SMYD3: variants seen among roughly 807,000 people sequenced by gnomAD.
SMYD3 encodes the protein SET and MYND domain containing 3, also known as histone-lysine N-methyltransferase SMYD3.
Under a neutral mutation model 57.7 loss-of-function variants are expected in SMYD3, and 36 were observed. The ratio of observed to expected loss-of-function variants is 0.62; its 90% CI spans 0.48 to 0.82. The LOEUF is 0.82. SMYD3 is among the 40% of genes least tolerant of loss of function. The pLI is 0.00. For synonymous variants in SMYD3, 211 were observed against 195.0 expected (o/e 1.08, Z -0.68); for missense variants, 515 against 538.8 (o/e 0.96, Z 0.44).
At chr1:245,976,017 A>G (rs1160046301) in intron 5 of SMYD3, among the ~76,000 whole-genome samples, 3 of 12,656 alleles carry the variant, frequency 2.4e-4, no homozygotes, top group Non-Finnish European at 4.4e-4. Flanking sequence ...CATCGTCTCT[A>G]GCCTAGGGAA....
chr1:246,492,866 G>A (rs1234215160), intron 1 of SMYD3, among the ~76,000 whole-genome samples: 1 of 152,194 alleles, frequency 6.6e-6, no homozygotes, highest in East Asian at 1.9e-4. Context: ...AACTGGAAGG[G>A]ATTTCTAACT....
chr1:246,037,089 A>G (rs1392209267), intron 5 of SMYD3, among the ~76,000 whole-genome samples: 1 of 152,192 alleles, frequency 6.6e-6, no homozygotes, highest in East Asian at 1.9e-4. Flanking sequence ...TATTACAAAC[A>G]AGGTTGCAAT....
chr1:246,093,411 A>T (rs1219308555), intron 5 of SMYD3, among the ~76,000 whole-genome samples: 1 of 152,234 alleles, frequency 6.6e-6, no homozygotes, highest in East Asian at 1.9e-4. Flanking sequence ...TAATGCATAT[A>T]TGTGTGGTGG....
intron 5 of SMYD3, among the ~76,000 whole-genome samples, chr1:246,093,615 T>C (rs2060859521): frequency 6.6e-6 from 1 of 152,082 alleles, no homozygotes; most frequent in African/African-American, 2.4e-5. Context: ...CGAACAGTAG[T>C]GGGGGATGAA....
chr1:246,016,365 C>T (rs1387939458), intron 5 of SMYD3, among the ~76,000 whole-genome samples: 1 of 151,978 alleles, frequency 6.6e-6, no homozygotes, highest in Non-Finnish European at 1.5e-5. Context: ...GGTGGATCAC[C>T]TGAGGTCAGG....
At chr1:246,110,244 T>C (rs2061210140) in intron 5 of SMYD3, among the ~76,000 whole-genome samples, 1 of 152,166 alleles carries the variant, frequency 6.6e-6, no homozygotes, top group South Asian at 2.1e-4. Flanking sequence ...TGTGTGGACT[T>C]AGACAAGTCA....
At chr1:245,958,365 C>A (rs1265248068) in intron 5 of SMYD3, among the ~76,000 whole-genome samples, 1 of 152,200 alleles carries the variant, frequency 6.6e-6, no homozygotes, top group East Asian at 1.9e-4. Flanking sequence ...TTTCCTCACC[C>A]TTCCTCTCAT....
chr1:245,766,081 C>T (rs888659391), intron 10 of SMYD3, among the ~76,000 whole-genome samples: 2 of 151,910 alleles, frequency 1.3e-5, no homozygotes, highest in Non-Finnish European at 2.9e-5. Flanking sequence ...GTATTTAAAC[C>T]GACAGAAAGT....
chr1:246,255,050 G>A (rs1359950531), intron 5 of SMYD3, among the ~76,000 whole-genome samples: 1 of 152,098 alleles, frequency 6.6e-6, no homozygotes, highest in Non-Finnish European at 1.5e-5. Flanking sequence ...GACTTTACAG[G>A]TATATAATCA....
intron 1 of SMYD3, among the ~76,000 whole-genome samples, chr1:246,376,874 C>A (rs984110508): frequency 6.6e-6 from 1 of 151,818 alleles, no homozygotes; most frequent in South Asian, 2.1e-4. Context: ...CTGAGGTGGG[C>A]GGATCACCTG....
Position 246,288,851 on chromosome 1 carries a change from G to A in SMYD3, c.531+38350C>T, listed in dbSNP as rs1032173314. Among the ~76,000 whole-genome samples, 11 of 152,242 alleles carry A rather than the reference G, an allele frequency of 7.2e-5. No homozygotes were observed. In the East Asian group the frequency reaches 1.9e-3, roughly 27 times the overall value. On this transcript the variant is annotated intron_variant, in intron 5 of 11. Coordinates refer to ENST00000490107, the MANE Select transcript of SMYD3 (RefSeq NM_001167740.2). Reference sequence around the variant, plus strand: ...AGCCTGGCCAGGCACGGTGACTCACGCCTGTAATCCCAGCACTTTGGGAGA... The same window carrying A: ...AGCCTGGCCAGGCACGGTGACTCACACCTGTAATCCCAGCACTTTGGGAGA...
At chr1:246,089,232 G>C (rs527521316) in intron 5 of SMYD3, among the ~76,000 whole-genome samples, 1 of 152,172 alleles carries the variant, frequency 6.6e-6, no homozygotes, top group African/African-American at 2.4e-5. Flanking sequence ...TCCCGCCTCA[G>C]CCTCCCAAAG....
intron 5 of SMYD3, among the ~76,000 whole-genome samples, chr1:246,195,505 T>C (rs778797577): frequency 6.6e-6 from 1 of 152,122 alleles, no homozygotes; most frequent in Non-Finnish European, 1.5e-5. Flanking sequence ...CAGAGGTACA[T>C]TCACATCCTA....
At chr1:246,297,087 C>T (rs2064809489) in intron 5 of SMYD3, among the ~76,000 whole-genome samples, 1 of 152,078 alleles carries the variant, frequency 6.6e-6, no homozygotes, top group South Asian at 2.1e-4. Flanking sequence ...AGTTGGAACT[C>T]AGGAGGGGGC....
At chr1:246,078,543 CT>C (rs748861056) in intron 5 of SMYD3, among the ~76,000 whole-genome samples, 1 of 152,218 alleles carries the variant, frequency 6.6e-6, no homozygotes, top group South Asian at 2.1e-4. Flanking sequence ...GTCCATCCAT[CT>C]TTCAAGGTCA....
At chr1:245,833,072 A>AC (rs1184855226) in intron 10 of SMYD3, among the ~76,000 whole-genome samples, 2 of 109,868 alleles carry the variant, frequency 1.8e-5, no homozygotes, top group East Asian at 2.0e-4. Context: ...AAAAAAAAAA[A>AC]AAACCTGCTT....
chr1:246,396,317 C>T (rs977850135), intron 1 of SMYD3, among the ~76,000 whole-genome samples: 2 of 152,160 alleles, frequency 1.3e-5, no homozygotes, highest in African/African-American at 4.8e-5. Flanking sequence ...GTGTTAGCTT[C>T]TCAGCTAGCT....
chr1:245,927,875 C>A, intron 7 of SMYD3, 56 bp downstream of exon 7: 1 of 1,421,878 alleles, frequency 7.0e-7, no homozygotes, highest in Non-Finnish European at 9.8e-7. Flanking sequence ...ACGGGCCGAG[C>A]TGAGAGGGTC....
At chr1:246,490,039 G>A (rs1454259134) in intron 1 of SMYD3, among the ~76,000 whole-genome samples, 1 of 129,966 alleles carries the variant, frequency 7.7e-6, no homozygotes, top group African/African-American at 2.9e-5. Context: ...ACAGGGTCCC[G>A]CTGTGTTGCC....
Sources: allele counts gnomAD v4.1 joint callset (sites outside exome capture counted in the v4.1 genomes callset), GRCh38; gene constraint gnomAD v4.1.1; transcripts MANE v1.5; gene names NCBI Gene and HGNC (gene_info 2026-07-23, HGNC 2026-07-21).